The following TMEM132D variants were observed in gnomAD, a reference collection of about 807,000 sequenced individuals.
The protein encoded by TMEM132D is mature OL transmembrane protein.
In TMEM132D, 21 loss-of-function variants were observed where a neutral mutation model predicts 62.3. That is an observed-to-expected ratio of 0.34 (90% CI 0.24 to 0.49). TMEM132D has a LOEUF of 0.49. Among genes scored for constraint, TMEM132D ranks in the 20% least tolerant of loss-of-function variants. TMEM132D has a pLI of 0.99. For synonymous variants in TMEM132D, 621 were observed against 575.6 expected (o/e 1.08, Z -1.13); for missense variants, 1,346 against 1,402.8 (o/e 0.96, Z 0.65).
chr12:129,541,737 C>T, intron 2 of TMEM132D, among the ~76,000 whole-genome samples: 1 of 152,180 alleles, frequency 6.6e-6, no homozygotes, highest in East Asian at 1.9e-4. Flanking sequence ...ACAGGCAAAA[C>T]CAGAGTCCCG....
chr12:129,254,926 G>A (rs952442178), intron 4 of TMEM132D, among the ~76,000 whole-genome samples: 1 of 152,202 alleles, frequency 6.6e-6, no homozygotes, highest in Admixed American at 6.5e-5. Context: ...ATGTCAAGTT[G>A]TAATCCCCAG....
rs184270062 is a variant in TMEM132D, at chr12:129,656,475, C to A, written c.968+43335G>T. The stretch of plus-strand genomic sequence containing the variant: ...TACAGGAGTCAAGGCATTTAAAGCC[C>A]TTGTCTCAGGACACAGAGCTCGCTG... On this transcript the variant is annotated intron_variant, in intron 2 of 8. Transcript: ENST00000422113. Among the ~76,000 whole-genome samples the A allele has an allele frequency of 1.1e-4, 16 of 152,260 alleles. No homozygotes were observed. The East Asian group carries it at 2.9e-3, about 28-fold the overall frequency.
chr12:129,618,609 C>T (rs897189688), intron 2 of TMEM132D, among the ~76,000 whole-genome samples: 3 of 152,206 alleles, frequency 2.0e-5, no homozygotes, highest in Non-Finnish European at 4.4e-5. Flanking sequence ...TAGTGAGAAT[C>T]AAATTCCTTA....
intron 5 of TMEM132D, among the ~76,000 whole-genome samples, chr12:129,207,876 T>G (rs560329409): frequency 6.6e-6 from 1 of 152,330 alleles, no homozygotes; most frequent in South Asian, 2.1e-4. Context: ...TGAGATAGCC[T>G]CCACCTAAGA....
At chr12:129,833,804 C>T (rs1164230272) in intron 1 of TMEM132D, among the ~76,000 whole-genome samples, 5 of 152,194 alleles carry the variant, frequency 3.3e-5, no homozygotes, top group South Asian at 2.1e-4. Context: ...TTTAACAAGT[C>T]GGTGTCAGTC....
chr12:129,187,423 T>A (rs1219846854), intron 5 of TMEM132D, among the ~76,000 whole-genome samples: 1 of 151,972 alleles, frequency 6.6e-6, no homozygotes, highest in Non-Finnish European at 1.5e-5. Flanking sequence ...ATAAGGTGAG[T>A]CTGGGAGGAC....
chr12:129,825,251 C>G (rs1205927617), intron 1 of TMEM132D, among the ~76,000 whole-genome samples: 1 of 151,796 alleles, frequency 6.6e-6, no homozygotes, highest in Non-Finnish European at 1.5e-5. Flanking sequence ...CTCCTGACCT[C>G]AGGTCATCTG....
intron 4 of TMEM132D, among the ~76,000 whole-genome samples, chr12:129,328,043 C>T (rs1384804755): frequency 6.6e-6 from 1 of 152,192 alleles, no homozygotes; most frequent in Non-Finnish European, 1.5e-5. Context: ...CCCACTTTTC[C>T]TTCTGTCTGG....
At chr12:129,604,241 G>C (rs947139576) in intron 2 of TMEM132D, among the ~76,000 whole-genome samples, 7 of 152,058 alleles carry the variant, frequency 4.6e-5, no homozygotes, top group Non-Finnish European at 1.0e-4. Context: ...CCCAGATGAT[G>C]GGTTGATAGG....
intron 2 of TMEM132D, among the ~76,000 whole-genome samples, chr12:129,542,274 A>C (rs114844092): frequency 0.014 from 2,144 of 152,302 alleles, 56 homozygotes; most frequent in African/African-American, 0.049. Flanking sequence ...TAAGAACCAC[A>C]ACCCCCTAAT....
At chr12:129,837,320 AC>A (rs1157114661) in intron 1 of TMEM132D, among the ~76,000 whole-genome samples, 3 of 152,222 alleles carry the variant, frequency 2.0e-5, no homozygotes, top group Non-Finnish European at 4.4e-5. Flanking sequence ...GCCTGGAAAT[AC>A]CAAAACTAAA....
At chr12:129,352,247 T>A (rs1209164279) in intron 3 of TMEM132D, among the ~76,000 whole-genome samples, 1 of 152,154 alleles carries the variant, frequency 6.6e-6, no homozygotes, top group Non-Finnish European at 1.5e-5. Context: ...CATTCCTAAT[T>A]TTCTTTAAAG....
intron 2 of TMEM132D, among the ~76,000 whole-genome samples, chr12:129,676,010 A>T (rs1388742901): frequency 6.6e-6 from 1 of 152,184 alleles, no homozygotes; most frequent in Admixed American, 6.5e-5. Context: ...AAATTAATCA[A>T]ATCTTTCAGT....
chr12:129,158,956 T>A (rs565062570), intron 5 of TMEM132D, among the ~76,000 whole-genome samples: 10 of 152,122 alleles, frequency 6.6e-5, no homozygotes, highest in Non-Finnish European at 1.5e-4. Flanking sequence ...TTTTAAACCA[T>A]CAGATCTTGT....
chr12:129,127,971 G>A (rs1202998372), intron 5 of TMEM132D, among the ~76,000 whole-genome samples: 1 of 152,204 alleles, frequency 6.6e-6, no homozygotes, highest in Non-Finnish European at 1.5e-5. Context: ...GGGGGAAGCT[G>A]CCTAGACCGT....
chr12:129,383,408 T>G (rs1392073243), intron 3 of TMEM132D, among the ~76,000 whole-genome samples: 3 of 152,154 alleles, frequency 2.0e-5, no homozygotes, highest in African/African-American at 7.2e-5. Context: ...TAGCACCTCA[T>G]GTAAACCCTA....
intron 2 of TMEM132D, among the ~76,000 whole-genome samples, chr12:129,667,439 A>G (rs565863078): frequency 1.3e-5 from 2 of 151,912 alleles, no homozygotes; most frequent in East Asian, 1.9e-4. Flanking sequence ...GCCTCATGCT[A>G]TCTTTCTTGG....
chr12:129,624,601 G>A lies in TMEM132D; in HGVS notation c.968+75209C>T, dbSNP rs577837142. The stretch of plus-strand genomic sequence containing the variant: ...GCAGCCACTGTCAGCCCACGCCAAT[G>A]AGGAAGGAGATGGGCAGACACCCAG... On this transcript the variant is annotated intron_variant, in intron 2 of 8. Transcript: ENST00000422113. 2.6e-5 allele frequency among the ~76,000 whole-genome samples: 4 copies of A among 152,364 alleles called. No individual in the cohort carries two copies. The East Asian group carries it at 7.7e-4, about 29-fold the overall frequency.
intron 3 of TMEM132D, chr12:129,522,912 A>T (rs1171266444): frequency 6.6e-6 from 1 of 151,220 alleles, no homozygotes; most frequent in African/African-American, 2.4e-5. Context: ...GATTAGATAT[A>T]TATGTAGACA....
Sources: allele counts gnomAD v4.1 joint callset (sites outside exome capture counted in the v4.1 genomes callset), GRCh38; gene constraint gnomAD v4.1.1; transcripts MANE v1.5; gene names NCBI Gene and HGNC (gene_info 2026-07-23, HGNC 2026-07-21).